HS3ST1: variants seen among roughly 807,000 people sequenced by gnomAD.
HS3ST1 encodes heparan sulfate glucosamine 3-O-sulfotransferase 1.
HS3ST1 carries 8 observed loss-of-function variants against 20.7 expected under a neutral mutation model. The ratio of observed to expected loss-of-function variants is 0.39; its 90% CI spans 0.23 to 0.70. The LOEUF (loss-of-function observed/expected upper bound fraction) is 0.70. HS3ST1 is among the 30% of genes least tolerant of loss of function. The pLI is 0.46. For missense variants in HS3ST1, 436 were observed against 423.4 expected, an observed-to-expected ratio of 1.03 and a Z score of -0.26; for synonymous variants, 205 against 190.4, an observed-to-expected ratio of 1.08 and a Z score of -0.63.
In HS3ST1 at chr4:11,399,805, CG is replaced by C; in HGVS notation, c.200del (p.Thr67SerfsTer70). ...TIIIGVRKGG[T>X]RALLEMLSLH... ...GGCTGAGCATCTCCAGCAGTGCGCG[CG>C]TGCCGCCCTTGCGCACGCCGATGAT... is the stretch of plus-strand genomic sequence containing the variant. On this transcript the variant is annotated frameshift_variant, in exon 2 of 2. Coordinates refer to ENST00000002596, the MANE Select transcript of HS3ST1 (RefSeq NM_005114.4). LOFTEE classifies it high-confidence loss of function. The surrounding 1 kb of genome is among the most constrained non-coding windows in gnomAD (Gnocchi z 5.1). The C allele has an allele frequency of 6.2e-7, 1 of 1,613,140 alleles. No homozygotes were observed. The highest frequency in any genetic ancestry group is 8.5e-7 in the Non-Finnish European group (1 of 1,179,814).
intron 1 of HS3ST1, among the ~76,000 whole-genome samples, chr4:11,405,727 G>A (rs1051062422): frequency 3.1e-4 from 47 of 152,110 alleles, no homozygotes; most frequent in African/African-American, 1.1e-3. Context: ...AATCGTGATT[G>A]GGCGACATCA....
In HS3ST1 at chr4:11,393,988, A is replaced by G. The variant is rs1718072138; in HGVS notation, c.*5094T>C. ...GGATGGAGCATTAACAGCAATAGCTACAGTCACATAGCTGGGAAGCAGAGG... is the reference window on the plus strand; with the variant it reads ...GGATGGAGCATTAACAGCAATAGCTGCAGTCACATAGCTGGGAAGCAGAGG... On this transcript the variant is annotated 3_prime_UTR_variant, in exon 2 of 2. Transcript: ENST00000002596. 6.6e-6 allele frequency: 1 copy of G among 152,346 alleles called. No homozygotes were observed. Among genetic ancestry groups the G allele is most frequent in the Non-Finnish European group, 1.5e-5 (1 of 68,034 alleles). The allele number at this position is 152,346 out of a possible 1,614,324, so 9.4% of individuals were successfully genotyped here. A position where few individuals can be genotyped will look rare whatever the true frequency, so the allele number is the denominator to read the frequency against.
In HS3ST1 at chr4:11,404,118, C is replaced by A. The variant is rs181837915; in HGVS notation, c.-108-4005G>T. ...GGAGTGCAGTGACATGATCTCAGCT[C>A]ACTGTGACCTCTGCATTCTGGGTTC... On this transcript the variant is annotated intron_variant, in intron 1 of 1. Transcript: ENST00000002596. Among the ~76,000 whole-genome samples, 166 of 152,286 alleles carry A rather than the reference C, an allele frequency of 1.1e-3. 2 individuals are homozygous for A. Among genetic ancestry groups the A allele is most frequent in the South Asian group, 5.0e-3 (24 of 4,816 alleles).
At chr4:11,431,545 A>G (rs60856881), upstream of HS3ST1, among the ~76,000 whole-genome samples, 1 of 152,206 alleles carries the variant, frequency 6.6e-6, no homozygotes, top group Non-Finnish European at 1.5e-5. Flanking sequence ...AGATGAAAAA[A>G]TAAGATATCT....
At chr4:11,421,560 C>T (rs187007697) in intron 1 of HS3ST1, among the ~76,000 whole-genome samples, 1 of 152,284 alleles carries the variant, frequency 6.6e-6, no homozygotes, top group Non-Finnish European at 1.5e-5. Context: ...ACTGCTGACA[C>T]AGAACTTTGA....
At chr4:11,417,932 A>T (rs1408617807) in intron 1 of HS3ST1, among the ~76,000 whole-genome samples, 1 of 152,198 alleles carries the variant, frequency 6.6e-6, no homozygotes, top group Non-Finnish European at 1.5e-5. Flanking sequence ...ACCATATTCG[A>T]TTCATTTTCC....
rs1404069241 is a variant in HS3ST1, at chr4:11,398,996, T to C, written c.*86A>G. 2.5e-6 allele frequency: 3 copies of C among 1,202,808 alleles called. No homozygotes were observed. Among genetic ancestry groups the C allele is most frequent in the African/African-American group, 3.1e-5 (2 of 65,530 alleles). 74.5% of individuals were successfully genotyped at this position (1,202,808 alleles called of 1,614,324 possible). ...ATGGATTTTACAAATAAATTATACC[T>C]TAAATGCTTTTTTAAAATTCTTTTT... On this transcript the variant is annotated 3_prime_UTR_variant, in exon 2 of 2. Transcript: ENST00000002596.
At chr4:11,431,322 A>G (rs6818632), upstream of HS3ST1, among the ~76,000 whole-genome samples, 9,643 of 151,964 alleles carry the variant, frequency 0.063, 666 homozygotes, top group African/African-American at 0.18. Context: ...AGCCGTGGGC[A>G]TGAGAATAGA....
intron 1 of HS3ST1, among the ~76,000 whole-genome samples, chr4:11,416,541 A>G (rs1006955538): frequency 6.6e-6 from 1 of 152,106 alleles, no homozygotes; most frequent in African/African-American, 2.4e-5. Flanking sequence ...ATCAACACCT[A>G]CATCTCTGTC....
chr4:11,403,227 A>G (rs1718376454), intron 1 of HS3ST1, among the ~76,000 whole-genome samples: 1 of 152,234 alleles, frequency 6.6e-6, no homozygotes, highest in African/African-American at 2.4e-5. Context: ...ATATATTCAT[A>G]GCTAAATATA....
Position 11,400,133 on chromosome 4 carries a change from GA to G in HS3ST1, c.-108-21del. 1 of 1,423,812 alleles carries G rather than the reference GA, an allele frequency of 7.0e-7. No homozygotes were observed. The highest frequency in any genetic ancestry group is 1.5e-5 in the South Asian group (1 of 65,466). 88.2% of individuals were successfully genotyped at this position (1,423,812 alleles called of 1,614,324 possible). On this transcript the variant is annotated intron_variant, in intron 1 of 1. Transcript: ENST00000002596. Reference sequence around the variant, plus strand: ...CAATTACTAGGGAACAAAAAGGGAAGATATTAACATATAACAAATACAGGGA... The same window carrying G: ...CAATTACTAGGGAACAAAAAGGGAAGTATTAACATATAACAAATACAGGGA...
chr4:11,429,275 G>C (rs1324634910), upstream of HS3ST1: 1 of 152,432 alleles, frequency 6.6e-6, no homozygotes, highest in Non-Finnish European at 1.5e-5. Context: ...CTGCAAACAC[G>C]GGACGTCCCG....
At chr4:11,420,708 G>T (rs993647599) in intron 1 of HS3ST1, among the ~76,000 whole-genome samples, 1 of 152,208 alleles carries the variant, frequency 6.6e-6, no homozygotes, top group Non-Finnish European at 1.5e-5. Flanking sequence ...TCAATGCCCA[G>T]AGTTCTGTTT....
rs773755490 is a variant in HS3ST1, at chr4:11,399,758, G to A, written c.248C>T (p.Ala83Val). 1.9e-6 allele frequency: 3 copies of A among 1,613,758 alleles called. No individual in the cohort carries two copies. Among genetic ancestry groups the A allele is most frequent in the East Asian group, 2.2e-5 (1 of 44,888 alleles). The change falls in exon 2 of 2, where the codon GCG (alanine) becomes GTG (valine). Residue 83 changes from alanine (A) to valine (V), a missense_variant. Ala to Val is a moderately conservative substitution (Grantham distance 64). Transcript: ENST00000002596. The surrounding 1 kb of genome is among the most constrained non-coding windows in gnomAD (Gnocchi z 5.1). Reference protein sequence around the residue: ...MLSLHPDVAAAENEVHFFDWE... With the variant: ...MLSLHPDVAAVENEVHFFDWE... ...GTCGAAGAAGTGGACCTCGTTCTCC[G>A]CGGCCGCCACGTCGGGGTGCAGGCT...
intron 1 of HS3ST1, among the ~76,000 whole-genome samples, chr4:11,401,625 T>C (rs960491349): frequency 6.6e-6 from 1 of 152,192 alleles, no homozygotes; most frequent in African/African-American, 2.4e-5. Context: ...ATTACAGGCA[T>C]GAGCCACTGC....
At position 11,399,554 on chromosome 4, in the gene HS3ST1, T is replaced by C; in HGVS notation, c.452A>G (p.Glu151Gly). Residue 151 changes from glutamate to glycine, a missense_variant, in exon 2 of 2, where the codon GAG (glutamate) becomes GGG (glycine). Transcript: ENST00000002596. This position sits in a 1 kb window ranked among gnomAD's most constrained non-coding sequence, Gnocchi z 5.1. ...TTGGGTGTAGTCAGATAGCACGCGC[T>C]CCGACGGGTCTCGCAGGATGAGCAG... ...RLLLILRDPSERVLSDYTQVF... is the reference protein window; with the variant it reads ...RLLLILRDPSGRVLSDYTQVF... 6.2e-7 allele frequency: 1 copy of C among 1,613,830 alleles called. No homozygotes were observed. The highest frequency in any genetic ancestry group is 8.5e-7 in the Non-Finnish European group (1 of 1,180,024).
chr4:11,422,088 C>T (rs946366483), intron 1 of HS3ST1, among the ~76,000 whole-genome samples: 3 of 152,216 alleles, frequency 2.0e-5, no homozygotes, highest in Non-Finnish European at 2.9e-5. Flanking sequence ...TTCAGCAAAG[C>T]GCTTGTATTA....
chr4:11,409,622 C>G (rs758053642), intron 1 of HS3ST1, among the ~76,000 whole-genome samples: 9 of 152,208 alleles, frequency 5.9e-5, no homozygotes, highest in Non-Finnish European at 1.0e-4. Context: ...GAACTTCCAG[C>G]CTCCAGAGCT....
chr4:11,431,327 A>T (rs1032577404), upstream of HS3ST1, among the ~76,000 whole-genome samples: 8 of 151,948 alleles, frequency 5.3e-5, no homozygotes, highest in Non-Finnish European at 8.8e-5. Flanking sequence ...TGGGCATGAG[A>T]ATAGAGGCTG....
Sources: allele counts gnomAD v4.1 joint callset (sites outside exome capture counted in the v4.1 genomes callset), GRCh38; gene constraint gnomAD v4.1.1; non-coding constraint Gnocchi (gnomAD v3.1); transcripts MANE v1.5; gene names NCBI Gene and HGNC (gene_info 2026-07-23, HGNC 2026-07-21).